Variants in TRPM3 observed in about 807,000 individuals in gnomAD.
TRPM3 encodes transient receptor potential cation channel subfamily M member 3, also known as long transient receptor potential channel 3.
In TRPM3, 77 loss-of-function variants were observed where a neutral mutation model predicts 181.2. That is an observed-to-expected ratio of 0.42 (90% CI 0.35 to 0.51). TRPM3 has a LOEUF of 0.51. Among genes scored for constraint, TRPM3 ranks in the 20% least tolerant of loss-of-function variants. TRPM3 has a pLI of 0.01. For synonymous variants in TRPM3, 745 were observed against 796.4 expected (o/e 0.94, Z 1.09); for missense variants, 1,759 against 2,196.7 (o/e 0.80, Z 3.98).
At chr9:70,674,724 A>ATTTTTT (rs67630432) in intron 9 of TRPM3, among the ~76,000 whole-genome samples, 7 of 97,870 alleles carry the variant, frequency 7.2e-5, no homozygotes, top group East Asian at 3.1e-4. Flanking sequence ...TATTCAGGCT[A>ATTTTTT]TTTTTTTTTT....
chr9:70,539,719 C>A (rs1194631499), intron 25 of TRPM3, among the ~76,000 whole-genome samples: 1 of 152,180 alleles, frequency 6.6e-6, no homozygotes, highest in Non-Finnish European at 1.5e-5. Context: ...AAATTACTTA[C>A]AATAACAAGT....
intron 1 of TRPM3, among the ~76,000 whole-genome samples, chr9:71,264,709 G>A (rs2083273396): frequency 6.6e-6 from 1 of 152,104 alleles, no homozygotes; most frequent in Non-Finnish European, 1.5e-5. Flanking sequence ...TGCTCAAGAT[G>A]GCCCTTGAAC....
chr9:71,289,875 CAAAAAAAAAAA>C (rs71352367), intron 1 of TRPM3, among the ~76,000 whole-genome samples: 15 of 39,792 alleles, frequency 3.8e-4, no homozygotes, highest in Non-Finnish European at 4.6e-4. Flanking sequence ...GACTCTGTCT[CAAAAAAAAAAA>C]AAAAAAAAAA....
At chr9:71,155,521 A>ATTTTATTTTATTTTAT (rs1460387705) in intron 1 of TRPM3, among the ~76,000 whole-genome samples, 101 of 140,760 alleles carry the variant, frequency 7.2e-4, no homozygotes, top group East Asian at 3.8e-3. Context: ...ATTTTATTTT[A>ATTTTATTTTATTTTAT]TTTTTGCATA....
intron 7 of TRPM3, among the ~76,000 whole-genome samples, chr9:70,769,293 C>T (rs561151788): frequency 6.6e-6 from 1 of 152,142 alleles, no homozygotes; most frequent in Non-Finnish European, 1.5e-5. Context: ...CTCTTGCATG[C>T]CTCTATATCT....
intron 1 of TRPM3, among the ~76,000 whole-genome samples, chr9:71,294,805 C>T (rs1374728903): frequency 6.6e-6 from 1 of 152,032 alleles, no homozygotes; most frequent in African/African-American, 2.4e-5. Flanking sequence ...AAAGTGAGCA[C>T]GATTGATTCT....
chr9:71,193,056 C>T (rs1298920380), intron 1 of TRPM3, among the ~76,000 whole-genome samples: 2 of 151,852 alleles, frequency 1.3e-5, no homozygotes, highest in African/African-American at 4.8e-5. Flanking sequence ...AAGGAGATGA[C>T]ATGAATGGGT....
At chr9:71,217,144 G>T (rs1315420029) in intron 1 of TRPM3, among the ~76,000 whole-genome samples, 1 of 151,032 alleles carries the variant, frequency 6.6e-6, no homozygotes, top group Non-Finnish European at 1.5e-5. Flanking sequence ...TAGAGACGGG[G>T]TTTCACCGTG....
At chr9:71,169,712 T>TG (rs2076743642) in intron 1 of TRPM3, among the ~76,000 whole-genome samples, 1 of 152,008 alleles carries the variant, frequency 6.6e-6, no homozygotes, top group Non-Finnish European at 1.5e-5. Context: ...CCCAGCACTT[T>TG]GGGAGGCTGA....
chr9:71,366,802 T>C (rs1236662894), intron 1 of TRPM3, among the ~76,000 whole-genome samples: 1 of 152,136 alleles, frequency 6.6e-6, no homozygotes, highest in Non-Finnish European at 1.5e-5. Context: ...CTATTAGAGA[T>C]TATTATCTCT....
chr9:71,273,535 T>A (rs761354211), intron 1 of TRPM3, among the ~76,000 whole-genome samples: 3 of 152,214 alleles, frequency 2.0e-5, no homozygotes, highest in Non-Finnish European at 4.4e-5. Context: ...GACTTGTATT[T>A]TTCCTTGTTA....
At chr9:71,231,436 AAT>A (rs2081044579) in intron 1 of TRPM3, among the ~76,000 whole-genome samples, 1 of 152,150 alleles carries the variant, frequency 6.6e-6, no homozygotes, top group South Asian at 2.1e-4. Flanking sequence ...AGAACATGAA[AAT>A]ATATGAGTTC....
chr9:71,069,755 C>G (rs1052655818), intron 1 of TRPM3, among the ~76,000 whole-genome samples: 1 of 151,938 alleles, frequency 6.6e-6, no homozygotes, highest in Non-Finnish European at 1.5e-5. Flanking sequence ...ATTACAGGTA[C>G]ACACCACCAC....
chr9:71,139,845 C>G (rs931643796), intron 1 of TRPM3, among the ~76,000 whole-genome samples: 3 of 152,124 alleles, frequency 2.0e-5, no homozygotes, highest in Non-Finnish European at 4.4e-5. Flanking sequence ...AAATAAGATG[C>G]CTGTTTCCAA....
chr9:70,936,670 G>A (rs1029435615), intron 1 of TRPM3, among the ~76,000 whole-genome samples: 7 of 152,142 alleles, frequency 4.6e-5, no homozygotes, highest in Non-Finnish European at 5.9e-5. Context: ...AGGGGCTTTT[G>A]TTTCACATAA....
In TRPM3 at chr9:71,440,413, C is replaced by A. The variant is rs144050471; in HGVS notation, c.183+6240G>T. 2.0e-5 allele frequency among the ~76,000 whole-genome samples: 3 copies of A among 152,318 alleles called. No homozygotes were observed. The East Asian group carries it at 5.8e-4, about 29-fold the overall frequency. The stretch of plus-strand genomic sequence containing the variant: ...TGTCTCCCATTCACTGCACTGGTAT[C>A]TATCCTCATGACTCATTTAAAATGA... On this transcript the variant is annotated intron_variant, in intron 1 of 24. Coordinates refer to the TRPM3 transcript ENST00000357533.
rs538989193 is a variant in TRPM3 at position 71,090,113 on chromosome 9, G to A, written c.177+31065C>T. On this transcript the variant is annotated intron_variant, in intron 1 of 25. Transcript: ENST00000677713. ...ATACAGGACAGCATAGGGCAGGGGC[G>A]GTGTCTGTGGCACAGTAGAGTCTTA... 5.0e-4 allele frequency among the ~76,000 whole-genome samples: 76 copies of A among 152,240 alleles called. 2 individuals are homozygous for A. In the Middle Eastern group the frequency reaches 0.014, roughly 27 times the overall value.
At chr9:70,574,286 C>G (rs989003832) in intron 22 of TRPM3, among the ~76,000 whole-genome samples, 1 of 152,148 alleles carries the variant, frequency 6.6e-6, no homozygotes, top group Admixed American at 6.5e-5. Context: ...TATTCCCTAC[C>G]ATTCTCTCCT....
rs573228195 is a variant in TRPM3 at position 70,812,286 on chromosome 9, G to C, written c.973+15561C>G. Among the ~76,000 whole-genome samples, 7 of 152,356 alleles carry C rather than the reference G, an allele frequency of 4.6e-5. No homozygotes were observed. The South Asian group carries it at 1.2e-3, about 27-fold the overall frequency. On this transcript the variant is annotated intron_variant, in intron 6 of 25. Coordinates refer to ENST00000677713, the MANE Select transcript of TRPM3 (RefSeq NM_001366145.2). The stretch of plus-strand genomic sequence containing the variant: ...GGAAGTAGGAGTTTGGCAGCTGGTA[G>C]CTGGCTGGTGAGAGGCATGTAGGAA...
Sources: gnomAD v4.1 joint callset for allele counts (sites outside exome capture counted in the v4.1 genomes callset) on GRCh38, gnomAD v4.1.1 for gene constraint, MANE v1.5 for transcripts, NCBI Gene and HGNC (gene_info 2026-07-23, HGNC 2026-07-21) for gene names.